Variants in MAGT1 observed in about 807,000 individuals in gnomAD.
MAGT1 encodes the protein magnesium transporter 1.
A neutral mutation model predicts 28.4 loss-of-function variants in MAGT1; 4 were observed. The observed-to-expected ratio is 0.14, with a 90% CI of 0.07 to 0.32. The LOEUF (loss-of-function observed/expected upper bound fraction) is 0.32, where lower values mean the gene tolerates loss of function less well. Ranked by LOEUF, MAGT1 falls within the 10% of genes least tolerant of loss-of-function variation. The pLI is 1.00. For missense variants in MAGT1, 193 were observed against 264.5 expected, an observed-to-expected ratio of 0.73 and a Z score of 1.88; for synonymous variants, 89 against 89.7, an observed-to-expected ratio of 0.99 and a Z score of 0.04.
chrX:77,871,861 CTCAAG>C (rs1557217354), intron 2 of MAGT1, among the ~76,000 whole-genome samples: 1 of 110,256 alleles, frequency 9.1e-6, no homozygotes, highest in Non-Finnish European at 1.9e-5. Context: ...TTATTGAAAC[CTCAAG>C]TCATCTTTGA....
chrX:77,852,818 A>G (rs2076972099), intron 7 of MAGT1, among the ~76,000 whole-genome samples: 1 of 110,854 alleles, frequency 9.0e-6, no homozygotes, highest in South Asian at 3.8e-4. Flanking sequence ...GGCTGGTCTC[A>G]AACTCCTGGG....
At chrX:77,852,914 T>C (rs1255562362) in intron 7 of MAGT1, among the ~76,000 whole-genome samples, 1 of 112,019 alleles carries the variant, frequency 8.9e-6, no homozygotes, top group Non-Finnish European at 1.9e-5. Context: ...TGTATATCAA[T>C]GTCAGGACAC....
At chrX:77,877,490 CAA>C (rs1236196929) in intron 1 of MAGT1, among the ~76,000 whole-genome samples, 2 of 94,274 alleles carry the variant, frequency 2.1e-5, no homozygotes, top group Non-Finnish European at 4.2e-5. Flanking sequence ...GACACTGTCT[CAA>C]AAAAAAAAAT....
chrX:77,833,645 G>GA (rs2076905168), intron 8 of MAGT1, among the ~76,000 whole-genome samples: 1 of 111,765 alleles, frequency 8.9e-6, no homozygotes, highest in South Asian at 3.7e-4. Context: ...AGAGGACATC[G>GA]AAAAATGGAA....
At position 77,849,675 on chromosome X, in the gene MAGT1, A is replaced by G. The variant is rs782105555; in HGVS notation, c.826+4226T>C. Among the ~76,000 whole-genome samples, 14 of 109,904 alleles carry G rather than the reference A, an allele frequency of 1.3e-4. No homozygotes were observed. The South Asian group carries it at 5.0e-3, about 40-fold the overall frequency. ...CAGTTGAGCTCAGGAGTTCGAAACC[A>G]GCCTCGCCAACATGATGAAACCCCA... On this transcript the variant is annotated intron_variant, in intron 7 of 9. Transcript: ENST00000618282.
intron 3 of MAGT1, among the ~76,000 whole-genome samples, chrX:77,865,102 CTGATTT>C (rs782675650): frequency 9.0e-6 from 1 of 111,400 alleles, no homozygotes; most frequent in Non-Finnish European, 1.9e-5. Context: ...TATAAATGCA[CTGATTT>C]TGATTTGTGG....
chrX:77,850,955 A>G (rs1458200628), intron 7 of MAGT1, among the ~76,000 whole-genome samples: 1 of 107,997 alleles, frequency 9.3e-6, no homozygotes, highest in Non-Finnish European at 1.9e-5. Context: ...ATCAAACCAT[A>G]CTTTTCTTTT....
chrX:77,857,589 G>T, intron 3 of MAGT1, 92 bp from the exon 4 acceptor site: 2 of 1,042,264 alleles, frequency 1.9e-6, no homozygotes, highest in Non-Finnish European at 2.7e-6. Flanking sequence ...TTACAAAGAT[G>T]AGGAGGCCTG....
chrX:77,839,049 A>G (rs901376407), intron 8 of MAGT1, among the ~76,000 whole-genome samples: 50 of 109,693 alleles, frequency 4.6e-4, no homozygotes, highest in Non-Finnish European at 8.3e-4. Context: ...CATGTCTGTA[A>G]CCCCAGCACT....
At position 77,829,024 on chromosome X, in the gene MAGT1, C is replaced by A. The variant is rs2149007713; in HGVS notation, c.*196G>T. On this transcript the variant is annotated 3_prime_UTR_variant, in exon 10 of 10. Coordinates refer to ENST00000618282, the MANE Select transcript of MAGT1 (RefSeq NM_001367916.1). ...AGAAGGTTAAGAGGATAATTATTTT[C>A]AAATACCTCAGATTTTGACAGAGGA... is the stretch of plus-strand genomic sequence containing the variant. The A allele has an allele frequency of 2.5e-6, 1 of 392,990 alleles. No individual in the cohort carries two copies. Among genetic ancestry groups the A allele is most frequent in the Non-Finnish European group, 4.5e-6 (1 of 219,993 alleles). The allele number at this position is 392,990 out of a possible 1,213,427, so 32.4% of individuals were successfully genotyped here.
intron 8 of MAGT1, 82 bp from the exon 9 acceptor site, chrX:77,830,977 TTTA>T (rs2081986555): frequency 3.5e-5 from 1 of 28,429 alleles, no homozygotes; most frequent in Non-Finnish European, 1.2e-4. Context: ...CTTTTTTTAT[TTTA>T]TTTTATTTTA....
intron 7 of MAGT1, 58 bp from the exon 8 acceptor site, chrX:77,841,378 T>A: frequency 1.2e-6 from 1 of 802,216 alleles, no homozygotes; most frequent in Non-Finnish European, 1.9e-6. Flanking sequence ...ACCATTTTAC[T>A]ATTTCCAGTT....
intron 7 of MAGT1, among the ~76,000 whole-genome samples, chrX:77,847,254 G>A (rs189114492): frequency 8.9e-6 from 1 of 112,630 alleles, no homozygotes; most frequent in Non-Finnish European, 1.9e-5. Flanking sequence ...ATAATCTCCT[G>A]GTGTGCTGTT....
At chrX:77,849,485 A>C (rs990193279) in intron 7 of MAGT1, among the ~76,000 whole-genome samples, 12 of 111,416 alleles carry the variant, frequency 1.1e-4, no homozygotes, top group African/African-American at 3.9e-4. Flanking sequence ...GGCAATCAGG[A>C]GGAATGATGA....
chrX:77,861,575 G>T (rs1336794953), intron 3 of MAGT1, among the ~76,000 whole-genome samples: 2 of 111,951 alleles, frequency 1.8e-5, no homozygotes, highest in Non-Finnish European at 3.8e-5. Flanking sequence ...CTGAAAGCAG[G>T]GTCTTGAAGA....
At position 77,830,806 on chromosome X, in the gene MAGT1, T is replaced by G; in HGVS notation, c.991A>C (p.Ser331Arg). The G allele has an allele frequency of 2.7e-6, 3 of 1,109,971 alleles. No individual in the cohort carries two copies. Among genetic ancestry groups the G allele is most frequent in the Non-Finnish European group, 3.7e-6 (3 of 818,024 alleles). 91.5% of individuals were successfully genotyped at this position (1,109,971 alleles called of 1,213,427 possible). The change falls in exon 9 of 10, where the codon AGC becomes CGC. Residue 331 changes from serine to arginine, a missense_variant and splice_region_variant. Transcript: ENST00000618282. ...ATAAACAAAAAATAAGAATCATACCTGTATGGGTAGCCATGATATTTAGAT... is the reference window on the plus strand; with the variant it reads ...ATAAACAAAAAATAAGAATCATACCGGTATGGGTAGCCATGATATTTAGAT... The part of the protein sequence containing the change: ...FRSKYHGYPY[S>R]FLMS
chrX:77,832,956 A>T (rs1323518859), intron 8 of MAGT1, among the ~76,000 whole-genome samples: 1 of 111,739 alleles, frequency 8.9e-6, no homozygotes, highest in Non-Finnish European at 1.9e-5. Context: ...GTAAATGTTA[A>T]ACAATATTTC....
At chrX:77,848,909 G>A (rs1345280207) in intron 7 of MAGT1, among the ~76,000 whole-genome samples, 2 of 109,408 alleles carry the variant, frequency 1.8e-5, no homozygotes, top group Non-Finnish European at 3.8e-5. Flanking sequence ...AGCTACTCAG[G>A]AGGCTGACGT....
chrX:77,875,425 T>C lies in MAGT1; in HGVS notation c.272+3A>G. ...AATTTTAAAGCGTAGTTGGAGTTCA[T>C]ACTTGCAAACGACACACTGTCTATG... On this transcript the variant is annotated splice_donor_region_variant and intron_variant, in intron 2 of 9. Transcript: ENST00000618282. 1 of 1,208,164 alleles carries C rather than the reference T, an allele frequency of 8.3e-7. No individual in the cohort carries two copies. Among genetic ancestry groups the C allele is most frequent in the Non-Finnish European group, 1.1e-6 (1 of 892,979 alleles).
Sources: allele counts gnomAD v4.1 joint callset (sites outside exome capture counted in the v4.1 genomes callset), GRCh38; gene constraint gnomAD v4.1.1; transcripts MANE v1.5; gene names NCBI Gene and HGNC (gene_info 2026-07-23, HGNC 2026-07-21).